The following PDSS1 variants were observed in gnomAD, a reference collection of about 807,000 sequenced individuals.
The protein encoded by PDSS1 is all trans-polyprenyl-diphosphate synthase PDSS1.
A neutral mutation model predicts 57.5 loss-of-function variants in PDSS1; 43 were observed. The ratio of observed to expected loss-of-function variants is 0.75; its 90% CI spans 0.59 to 0.96. The LOEUF (loss-of-function observed/expected upper bound fraction) is 0.96. Among genes scored for constraint, PDSS1 ranks in the 50% least tolerant of loss-of-function variants. The pLI is 0.00. For missense variants in PDSS1, 438 were observed against 527.8 expected (o/e 0.83, Z 1.67); for synonymous variants, 175 against 191.3 (o/e 0.91, Z 0.70).
At chr10:26,708,948 G>A (rs552730173) in intron 4 of PDSS1, among the ~76,000 whole-genome samples, 21 of 152,102 alleles carry the variant, frequency 1.4e-4, no homozygotes, top group South Asian at 1.2e-3. Context: ...TTCTCTTCCC[G>A]CCTCCATCTT....
chr10:26,708,723 C>A (rs1835323828), intron 4 of PDSS1, among the ~76,000 whole-genome samples: 1 of 152,042 alleles, frequency 6.6e-6, no homozygotes, highest in Non-Finnish European at 1.5e-5. Context: ...TCTTCCTGCC[C>A]CTCGTAAACA....
At chr10:26,723,742 T>G in intron 6 of PDSS1, 64 bp from the exon 7 acceptor site, 1 of 1,120,412 alleles carries the variant, frequency 8.9e-7, no homozygotes, top group Non-Finnish European at 1.4e-6. Context: ...GTCAGTTTCA[T>G]CATTGGCTCT....
In PDSS1 at chr10:26,742,482, CTCTT is replaced by C. The variant is rs759349067; in HGVS notation, c.1027-13_1027-10del. 2.2e-5 allele frequency: 35 copies of C among 1,588,326 alleles called. No individual in the cohort carries two copies. In the East Asian group the frequency reaches 2.7e-4, roughly 12 times the overall value. On this transcript the variant is annotated splice_polypyrimidine_tract_variant and intron_variant, in intron 10 of 11. Transcript: ENST00000376215. ...ATAAATAGATTTTCTCAGATTTTCT[CTCTT>C]TTTTTGTTAGTTCCCAGAAATGAAT...
At chr10:26,745,791 G>T (rs1004975630) in intron 11 of PDSS1, among the ~76,000 whole-genome samples, 50 of 151,812 alleles carry the variant, frequency 3.3e-4, no homozygotes, top group African/African-American at 1.1e-3. Context: ...AGGTTGCAGT[G>T]AGCCAAGATC....
rs558580118 is a variant in PDSS1 at position 26,720,106 on chromosome 10, T to C, written c.468-112T>C. 9.4e-6 allele frequency: 14 copies of C among 1,496,740 alleles called. No homozygotes were observed. The South Asian group carries it at 1.7e-4, about 18-fold the overall frequency. The allele number at this position is 1,496,740 out of a possible 1,614,324, so 92.7% of individuals were successfully genotyped here. A position where few individuals can be genotyped will look rare whatever the true frequency, so the allele number is the denominator to read the frequency against. ...GAAGCCAGAGTTTTTATACCGTTTC[T>C]CTTAGAGAAATAACATTCTTTATCC... On this transcript the variant is annotated intron_variant, in intron 5 of 11. Transcript: ENST00000376215.
intron 11 of PDSS1, 139 bp downstream of exon 11, chr10:26,742,716 G>A: frequency 1.5e-6 from 1 of 675,052 alleles, no homozygotes. Flanking sequence ...CAAAAACTGA[G>A]AAGGGAAAAC....
At position 26,730,735 on chromosome 10, in the gene PDSS1, G is replaced by A. The variant is rs4611103; in HGVS notation, c.832-4505G>A. Among the ~76,000 whole-genome samples, 346 of 152,204 alleles carry A rather than the reference G, an allele frequency of 2.3e-3. 2 individuals carry two copies. Among genetic ancestry groups the A allele is most frequent in the African/African-American group, 7.9e-3 (327 of 41,532 alleles). ...TACCCCCTTGTAGGTAAGCAGTCTC[G>A]TTCACTTCTGGTTCCTCCTTCCTGG... On this transcript the variant is annotated intron_variant, in intron 8 of 11. Transcript: ENST00000376215.
At chr10:26,699,882 G>A (rs1834993481) in intron 1 of PDSS1, among the ~76,000 whole-genome samples, 1 of 152,128 alleles carries the variant, frequency 6.6e-6, no homozygotes, top group Admixed American at 6.5e-5. Context: ...TTCACTATAT[G>A]TTAATATGTT....
chr10:26,714,466 CA>C (rs34696535), intron 5 of PDSS1, among the ~76,000 whole-genome samples: 86,496 of 122,936 alleles, frequency 0.7, 28,160 homozygotes, highest in East Asian at 0.96. Context: ...GACTCTGTCT[CA>C]AAAAAAAAAA....
intron 8 of PDSS1, among the ~76,000 whole-genome samples, chr10:26,724,458 C>T (rs1835889273): frequency 6.6e-6 from 1 of 152,222 alleles, no homozygotes; most frequent in South Asian, 2.1e-4. Flanking sequence ...ATCACACACA[C>T]TCTTTCTGAC....
rs1836962432 is a variant in PDSS1 at position 26,746,731 on chromosome 10, T to C, written c.*258T>C. On this transcript the variant is annotated 3_prime_UTR_variant, in exon 12 of 12. Coordinates refer to ENST00000376215, the MANE Select transcript of PDSS1 (RefSeq NM_014317.5). ...GGTATCTTGATGGTTATATGTGGTA[T>C]TGTTTACACTGTTAATATCCACATG... is the stretch of plus-strand genomic sequence containing the variant. The C allele has an allele frequency of 1.3e-5, 6 of 479,330 alleles. No individual in the cohort carries two copies. Among genetic ancestry groups the C allele is most frequent in the Non-Finnish European group, 2.3e-5 (6 of 261,690 alleles). The allele number at this position is 479,330 out of a possible 1,614,324, so 29.7% of individuals were successfully genotyped here. A position where few individuals can be genotyped will look rare whatever the true frequency, so the allele number is the denominator to read the frequency against.
At chr10:26,727,284 A>G (rs961623804) in intron 8 of PDSS1, among the ~76,000 whole-genome samples, 2 of 151,086 alleles carry the variant, frequency 1.3e-5, no homozygotes, top group African/African-American at 4.9e-5. Context: ...CTGAGTTGAG[A>G]CTTGAACCCA....
chr10:26,746,120 T>C (rs1004539336), intron 11 of PDSS1, among the ~76,000 whole-genome samples: 6 of 152,214 alleles, frequency 3.9e-5, no homozygotes, highest in Non-Finnish European at 8.8e-5. Flanking sequence ...TGCATGCTAA[T>C]AGAATAAAAA....
rs958527822 is a variant in PDSS1, at chr10:26,717,123, T to C, written c.468-3095T>C. On this transcript the variant is annotated intron_variant, in intron 5 of 11. Coordinates refer to ENST00000376215, the MANE Select transcript of PDSS1 (RefSeq NM_014317.5). The stretch of plus-strand genomic sequence containing the variant: ...GTAAAACTATGGAACATCTGAAATA[T>C]GATGTATATTCTACGTAGAAGCTGT... Among the ~76,000 whole-genome samples the C allele has an allele frequency of 1.3e-5, 2 of 152,330 alleles. 1 individual carries two copies.
At chr10:26,697,883 G>A (rs1411334702) in intron 1 of PDSS1, 43 bp downstream of exon 1, 2 of 1,254,530 alleles carry the variant, frequency 1.6e-6, no homozygotes, top group Non-Finnish European at 2.0e-6. Flanking sequence ...CAGAGGTCAC[G>A]GCTCCAATGA....
At chr10:26,740,996 A>C (rs143354076) in intron 10 of PDSS1, among the ~76,000 whole-genome samples, 2 of 151,480 alleles carry the variant, frequency 1.3e-5, no homozygotes, top group Non-Finnish European at 2.9e-5. Context: ...ATCTTAATTC[A>C]GGTCTTTTTT....
chr10:26,703,907 C>G (rs1235505128), intron 2 of PDSS1, among the ~76,000 whole-genome samples: 1 of 151,520 alleles, frequency 6.6e-6, no homozygotes, highest in African/African-American at 2.4e-5. Context: ...CGGTGAAACC[C>G]CATCTCTACT....
intron 5 of PDSS1, among the ~76,000 whole-genome samples, chr10:26,719,975 T>C (rs1245497374): frequency 1.3e-5 from 2 of 152,210 alleles, no homozygotes; most frequent in African/African-American, 4.8e-5. Context: ...TTTACTGTTT[T>C]TTTGGCTAAT....
At chr10:26,699,019 G>A (rs915246629) in intron 1 of PDSS1, among the ~76,000 whole-genome samples, 2 of 152,150 alleles carry the variant, frequency 1.3e-5, no homozygotes, top group Non-Finnish European at 2.9e-5. Context: ...TACCTACTCA[G>A]GAGCCTGAGG....
Sources: gnomAD v4.1 joint callset for allele counts (sites outside exome capture counted in the v4.1 genomes callset) on GRCh38, gnomAD v4.1.1 for gene constraint, MANE v1.5 for transcripts, NCBI Gene and HGNC (gene_info 2026-07-23, HGNC 2026-07-21) for gene names.